The following GPHN variants were observed in gnomAD, a reference collection of about 807,000 sequenced individuals.
The protein encoded by GPHN is gephyrin.
In GPHN, 17 loss-of-function variants were observed where a neutral mutation model predicts 95.5. The ratio of observed to expected loss-of-function variants is 0.18; its 90% CI spans 0.12 to 0.27. The LOEUF (loss-of-function observed/expected upper bound fraction) is 0.27. Ranked by LOEUF, GPHN falls within the 10% of genes least tolerant of loss-of-function variation. The pLI is 1.00. For missense variants in GPHN, 660 were observed against 978.1 expected, an observed-to-expected ratio of 0.67 and a Z score of 4.34; for synonymous variants, 320 against 322.5, an observed-to-expected ratio of 0.99 and a Z score of 0.08.
chr14:67,165,289 C>A, intron 20 of GPHN, 63 bp downstream of exon 20: 1 of 991,228 alleles, frequency 1.0e-6, no homozygotes, highest in Non-Finnish European at 1.6e-6. Flanking sequence ...TTTTGGACTT[C>A]TCATGTGACC....
At chr14:66,650,161 G>T (rs954464923) in intron 1 of GPHN, among the ~76,000 whole-genome samples, 1 of 151,838 alleles carries the variant, frequency 6.6e-6, no homozygotes, top group Admixed American at 6.6e-5. Context: ...GTTCATTGCA[G>T]TAGGTGATTT....
chr14:67,667,817 G>A, the GPHN span, among the ~76,000 whole-genome samples: 3 of 152,084 alleles, frequency 2.0e-5, no homozygotes, highest in African/African-American at 4.8e-5. Flanking sequence ...GGTGGTGGGC[G>A]CCTGTAGTCC....
chr14:66,803,116 C>T (rs1459486040), intron 3 of GPHN, among the ~76,000 whole-genome samples: 1 of 152,154 alleles, frequency 6.6e-6, no homozygotes, highest in East Asian at 1.9e-4. Context: ...CTTTCAGGAA[C>T]TCAAGTTCTG....
chr14:66,785,180 C>A (rs2059730416), intron 3 of GPHN, among the ~76,000 whole-genome samples: 1 of 152,074 alleles, frequency 6.6e-6, no homozygotes, highest in African/African-American at 2.4e-5. Context: ...CCAGCCTGGC[C>A]AACATGGTGA....
chr14:67,397,688 G>A, the GPHN span: 12 of 1,612,962 alleles, frequency 7.4e-6, no homozygotes, highest in Middle Eastern at 1.6e-4. Context: ...TCCAGGCAGG[G>A]GCAGGTGATG....
chr14:66,911,294 G>A (rs1416587485), intron 5 of GPHN, among the ~76,000 whole-genome samples: 1 of 151,698 alleles, frequency 6.6e-6, no homozygotes, highest in African/African-American at 2.4e-5. Flanking sequence ...ACTGCTAATG[G>A]GTATGGGATT....
intron 1 of GPHN, among the ~76,000 whole-genome samples, chr14:66,550,143 T>C (rs2059758870): frequency 6.6e-6 from 1 of 152,222 alleles, no homozygotes; most frequent in Non-Finnish European, 1.5e-5. Flanking sequence ...AAAGGCTATA[T>C]AGCTACCATA....
Position 67,144,250 on chromosome 14 carries a change from AATAT to A in GPHN, c.1836+835_1836+838del, listed in dbSNP as rs71129810. On this transcript the variant is annotated intron_variant, in intron 18 of 22. Transcript: ENST00000478722. ...AGACCCTGTCTTAAAAAAAAAAAAA[AATAT>A]ATATATATATATATATATATATATA... Among the ~76,000 whole-genome samples the A allele has an allele frequency of 9.2e-3, 530 of 57,656 alleles. 2 individuals carry two copies. Among genetic ancestry groups the A allele is most frequent in the Admixed American group, 0.014 (46 of 3,328 alleles). 37.8% of individuals were successfully genotyped at this position (57,656 alleles called of 152,430 possible).
the GPHN span, among the ~76,000 whole-genome samples, chr14:67,523,236 A>AT: frequency 1.3e-5 from 2 of 151,780 alleles, no homozygotes; most frequent in South Asian, 4.2e-4. Flanking sequence ...GGCAGGGAGA[A>AT]TTGCTTGAAT....
At chr14:67,211,010 C>T in the GPHN span, among the ~76,000 whole-genome samples, 1 of 152,006 alleles carries the variant, frequency 6.6e-6, no homozygotes, top group Non-Finnish European at 1.5e-5. Context: ...AAAAAACAAA[C>T]AAAAACAGAG....
chr14:66,802,841 G>A (rs534558841), intron 3 of GPHN, among the ~76,000 whole-genome samples: 24 of 152,172 alleles, frequency 1.6e-4, no homozygotes, highest in East Asian at 5.8e-4. Context: ...AGACAAAGTC[G>A]TCCTCACACT....
intron 1 of GPHN, among the ~76,000 whole-genome samples, chr14:66,590,454 A>T (rs552523204): frequency 7.9e-4 from 121 of 152,282 alleles, no homozygotes; most frequent in South Asian, 6.8e-3. Context: ...CAGACATTAT[A>T]AAAATGATAA....
rs183415870 is a variant in GPHN at position 66,729,269 on chromosome 14, G to T, written c.144-47195G>T. On this transcript the variant is annotated intron_variant, in intron 2 of 22. Transcript: ENST00000478722. The stretch of plus-strand genomic sequence containing the variant: ...AAAATGGACTAATACATATCCCCAG[G>T]ATATCTCATTATATATGTATGCATA... 1.5e-3 allele frequency among the ~76,000 whole-genome samples: 230 copies of T among 152,016 alleles called. 6 individuals are homozygous for T. The highest frequency in any genetic ancestry group is 5.0e-4 in the Non-Finnish European group (34 of 67,990).
At chr14:66,633,135 C>T (rs1048301862) in intron 1 of GPHN, among the ~76,000 whole-genome samples, 1 of 152,112 alleles carries the variant, frequency 6.6e-6, no homozygotes, top group African/African-American at 2.4e-5. Flanking sequence ...ACTGTCACAT[C>T]ATAGTTTTGT....
the GPHN span, chr14:67,385,600 A>C: frequency 6.6e-6 from 1 of 151,938 alleles, no homozygotes; most frequent in Non-Finnish European, 1.5e-5. Flanking sequence ...TTTATGCATA[A>C]ATTAATTGAA....
At chr14:67,407,452 T>A in the GPHN span, among the ~76,000 whole-genome samples, 1 of 151,202 alleles carries the variant, frequency 6.6e-6, no homozygotes. Context: ...TTAAAAAAAA[T>A]GTTTTTGAGG....
the GPHN span, chr14:67,347,500 CTCTTT>C: frequency 1.1e-5 from 14 of 1,300,816 alleles, no homozygotes; most frequent in African/African-American, 2.0e-5. Flanking sequence ...TTTAAGTTCT[CTCTTT>C]TTTTTTTTTT....
At chr14:66,948,909 C>T (rs916932587) in intron 8 of GPHN, among the ~76,000 whole-genome samples, 18 of 152,158 alleles carry the variant, frequency 1.2e-4, no homozygotes, top group East Asian at 9.7e-4. Context: ...GCAATCCTCC[C>T]GCCTCAGCCT....
At chr14:67,429,279 G>A in the GPHN span, among the ~76,000 whole-genome samples, 3 of 149,730 alleles carry the variant, frequency 2.0e-5, no homozygotes, top group Non-Finnish European at 4.4e-5. Flanking sequence ...CGCCCAGGCT[G>A]GCGTGCAGTG....
Sources: allele counts gnomAD v4.1 joint callset (sites outside exome capture counted in the v4.1 genomes callset), GRCh38; gene constraint gnomAD v4.1.1; transcripts MANE v1.5; gene names NCBI Gene and HGNC (gene_info 2026-07-23, HGNC 2026-07-21).